SGO2: variants seen among roughly 807,000 people sequenced by gnomAD.
The protein encoded by SGO2 is shugoshin-like 2.
A neutral mutation model predicts 99.5 loss-of-function variants in SGO2; 68 were observed. That is an observed-to-expected ratio of 0.68 (90% confidence interval 0.56 to 0.84). The LOEUF is 0.84. Among genes scored for constraint, SGO2 ranks in the 40% least tolerant of loss-of-function variants. The pLI is 0.00. For synonymous variants in SGO2, 457 were observed against 487.1 expected, an observed-to-expected ratio of 0.94 and a Z score of 0.81; for missense variants, 1,350 against 1,436.7, an observed-to-expected ratio of 0.94 and a Z score of 0.97.
At chr2:200,568,679 T>C (rs75509906) in intron 5 of SGO2, among the ~76,000 whole-genome samples, 25 of 152,254 alleles carry the variant, frequency 1.6e-4, no homozygotes, top group Non-Finnish European at 3.1e-4. Context: ...ACTGTAGGTT[T>C]CCAACTTTTT....
intron 5 of SGO2, among the ~76,000 whole-genome samples, chr2:200,569,304 TTA>T: frequency 6.6e-6 from 1 of 152,150 alleles, no homozygotes; most frequent in Non-Finnish European, 1.5e-5. Context: ...TTTTTGGGTA[TTA>T]CATAGAATTA....
rs376078850 is a variant in SGO2 at position 200,576,856 on chromosome 2, A to G, written c.3782+1395A>G. On this transcript the variant is annotated intron_variant, in intron 8 of 8. Coordinates refer to ENST00000357799, the MANE Select transcript of SGO2 (RefSeq NM_152524.6). The stretch of plus-strand genomic sequence containing the variant: ...CATGTTTTAAAGTTTCTTTCATATC[A>G]TAGCATGTATCAGTATTTCAATTCA... Among the ~76,000 whole-genome samples the G allele has an allele frequency of 1.5e-3, 232 of 152,306 alleles. 1 individual carries two copies. Among genetic ancestry groups the G allele is most frequent in the African/African-American group, 5.2e-3 (218 of 41,568 alleles).
chr2:200,566,915 G>A (rs974139723), intron 5 of SGO2, among the ~76,000 whole-genome samples: 26 of 152,264 alleles, frequency 1.7e-4, no homozygotes, highest in African/African-American at 5.8e-4. Context: ...TAAGACTGTT[G>A]GAAAAGCACA....
At chr2:200,542,296 T>C (rs1343988620) in intron 4 of SGO2, among the ~76,000 whole-genome samples, 2 of 152,222 alleles carry the variant, frequency 1.3e-5, no homozygotes, top group African/African-American at 2.4e-5. Flanking sequence ...TGCATGTATG[T>C]AAAGATATTG....
intron 5 of SGO2, among the ~76,000 whole-genome samples, chr2:200,558,805 CT>C (rs1176594661): frequency 1.5e-3 from 198 of 128,414 alleles, no homozygotes; most frequent in Middle Eastern, 7.8e-3. Context: ...GGTAACATCT[CT>C]TTTTTTTTTT....
Position 200,575,463 on chromosome 2 carries a change from T to A in SGO2, c.3782+2T>A. 2 of 1,546,738 alleles carry A rather than the reference T, an allele frequency of 1.3e-6. No homozygotes were observed. Among genetic ancestry groups the A allele is most frequent in the Non-Finnish European group, 1.8e-6 (2 of 1,141,762 alleles). The stretch of plus-strand genomic sequence containing the variant: ...TTTTAAAGAGCCAAGCCTCAGAGAG[T>A]AAGTATTTCAAATGATTTTAGTATG... On this transcript the variant is annotated splice_donor_variant, in intron 8 of 8. Coordinates refer to ENST00000357799, the MANE Select transcript of SGO2 (RefSeq NM_152524.6). LOFTEE classifies it high-confidence loss of function.
intron 4 of SGO2, among the ~76,000 whole-genome samples, chr2:200,540,115 C>T (rs567890701): frequency 7.2e-5 from 11 of 152,094 alleles, no homozygotes; most frequent in Admixed American, 5.9e-4. Flanking sequence ...TTGTTTTAAG[C>T]ATGTTAGTAA....
chr2:200,583,069 TG>T lies in SGO2; in HGVS notation c.3783-378del, dbSNP rs1040667592. 1.6e-4 allele frequency among the ~76,000 whole-genome samples: 24 copies of T among 152,228 alleles called. No homozygotes were observed. In the South Asian group the frequency reaches 2.9e-3, roughly 18 times the overall value. ...GGGTTGTGATCAGAAAGGGGCATAT[TG>T]GAGGTGTGGTAATATTTTGTTTCTT... On this transcript the variant is annotated intron_variant, in intron 8 of 8. Transcript: ENST00000357799.
In SGO2 at chr2:200,573,663, A is replaced by G; in HGVS notation, c.3317A>G (p.Lys1106Arg). ...MERILDSVQG[K>R]STVSEQADKE... is the part of the protein sequence containing the mutation. Reference sequence around the variant, plus strand: ...AGAATACTTGACAGCGTTCAGGGAAAGTCTACTGTATCTGAACAAGCTGAT... The same window carrying G: ...AGAATACTTGACAGCGTTCAGGGAAGGTCTACTGTATCTGAACAAGCTGAT... Residue 1106 changes from lysine (K) to arginine (R), a missense_variant, in exon 7 of 9, where the codon AAG becomes AGG. By Grantham distance (26) the Lys-to-Arg change is conservative. Transcript: ENST00000357799. 1 of 1,613,374 alleles carries G rather than the reference A, an allele frequency of 6.2e-7. No individual in the cohort carries two copies.
intron 8 of SGO2, among the ~76,000 whole-genome samples, chr2:200,582,075 A>T (rs376767984): frequency 7.6e-4 from 116 of 152,234 alleles, no homozygotes; most frequent in African/African-American, 2.7e-3. Flanking sequence ...AAACTCCATA[A>T]CTTGAAACAT....
chr2:200,571,424 G>T lies in SGO2; in HGVS notation c.1078G>T (p.Val360Leu). The T allele has an allele frequency of 6.2e-7, 1 of 1,610,556 alleles. No homozygotes were observed. Among genetic ancestry groups the T allele is most frequent in the Non-Finnish European group, 8.5e-7 (1 of 1,177,722 alleles). The stretch of plus-strand genomic sequence containing the variant: ...TGATGACTTTCAATTGCAGAAAACT[G>T]TGTATGATGCTGACATGGATTTAAC... ...DNDDFQLQKTVYDADMDLTAS... is the reference protein window; with the variant it reads ...DNDDFQLQKTLYDADMDLTAS... The change falls in exon 7 of 9, where the codon GTG becomes TTG. Residue 360 changes from valine to leucine, a missense_variant. Coordinates refer to ENST00000357799, the MANE Select transcript of SGO2 (RefSeq NM_152524.6).
intron 5 of SGO2, among the ~76,000 whole-genome samples, chr2:200,550,173 A>G (rs571492359): frequency 6.6e-6 from 1 of 152,314 alleles, no homozygotes; most frequent in Non-Finnish European, 1.5e-5. Context: ...ATAGAAGGAA[A>G]ATGACAAAAC....
At chr2:200,567,084 A>G (rs2106339145) in intron 5 of SGO2, among the ~76,000 whole-genome samples, 1 of 152,256 alleles carries the variant, frequency 6.6e-6, no homozygotes, top group African/African-American at 2.4e-5. Context: ...GTCCTGTACC[A>G]ACTCTCCAAC....
chr2:200,554,726 C>T (rs2032633179), intron 5 of SGO2, among the ~76,000 whole-genome samples: 1 of 152,174 alleles, frequency 6.6e-6, no homozygotes, highest in Non-Finnish European at 1.5e-5. Context: ...AAGGCAAACA[C>T]TCACATTTGA....
At chr2:200,536,590 C>G (rs1238592698) in intron 4 of SGO2, among the ~76,000 whole-genome samples, 2 of 152,046 alleles carry the variant, frequency 1.3e-5, no homozygotes, top group African/African-American at 4.8e-5. Flanking sequence ...TCATGTGGTT[C>G]TTTTTGGAGA....
intron 4 of SGO2, 116 bp downstream of exon 4, chr2:200,536,258 A>T (rs1333994136): frequency 2.2e-5 from 12 of 556,892 alleles, no homozygotes. Flanking sequence ...CAAAGGACTG[A>T]TGATAATATC....
intron 4 of SGO2, among the ~76,000 whole-genome samples, chr2:200,540,558 G>A (rs1190435992): frequency 6.6e-6 from 1 of 152,192 alleles, no homozygotes; most frequent in Non-Finnish European, 1.5e-5. Context: ...AGGATGAGGA[G>A]GATAATGAAG....
At chr2:200,544,694 TCTATC>T (rs1266546246) in intron 5 of SGO2, among the ~76,000 whole-genome samples, 1 of 111,100 alleles carries the variant, frequency 9.0e-6, no homozygotes, top group Non-Finnish European at 2.0e-5. Context: ...ACTTGGGAGA[TCTATC>T]TATCTATCTA....
At chr2:200,547,136 G>A (rs2032255685) in intron 5 of SGO2, among the ~76,000 whole-genome samples, 1 of 152,026 alleles carries the variant, frequency 6.6e-6, no homozygotes, top group Non-Finnish European at 1.5e-5. Flanking sequence ...GAGATAAGAA[G>A]CAAATAACAC....
Sources: allele counts gnomAD v4.1 joint callset (sites outside exome capture counted in the v4.1 genomes callset), GRCh38; gene constraint gnomAD v4.1.1; transcripts MANE v1.5; gene names NCBI Gene and HGNC (gene_info 2026-07-23, HGNC 2026-07-21).